ATXN10: variants seen among roughly 807,000 people sequenced by gnomAD.
ATXN10 encodes the protein ataxin 10.
A neutral mutation model predicts 52.9 loss-of-function variants in ATXN10; 28 were observed. The observed-to-expected ratio is 0.53, with a 90% CI of 0.39 to 0.73. The LOEUF is 0.73. ATXN10 is among the 30% of genes least tolerant of loss of function. The pLI is 0.00. For synonymous variants in ATXN10, 226 were observed against 221.5 expected, an observed-to-expected ratio of 1.02 and a Z score of -0.18; for missense variants, 565 against 577.0, an observed-to-expected ratio of 0.98 and a Z score of 0.21.
chr22:45,745,591 CTT>C (rs1925697133), intron 9 of ATXN10, among the ~76,000 whole-genome samples: 1 of 152,142 alleles, frequency 6.6e-6, no homozygotes, highest in African/African-American at 2.4e-5. Flanking sequence ...TAAAGACAAA[CTT>C]TATTTGGCCC....
rs1412234162 is a variant in ATXN10, at chr22:45,825,751, G to A, written c.1238-17240G>A. 6.6e-6 allele frequency among the ~76,000 whole-genome samples: 1 copy of A among 152,180 alleles called. No individual in the cohort carries two copies. Among genetic ancestry groups the A allele is most frequent in the Admixed American group, 6.5e-5 (1 of 15,282 alleles). Reference sequence around the variant, plus strand: ...CAAGGGTCTTACTGAAGATGCTCAAGGAACTAAAGGAACGTGTGGAAAATC... The same window carrying A: ...CAAGGGTCTTACTGAAGATGCTCAAAGAACTAAAGGAACGTGTGGAAAATC... On this transcript the variant is annotated intron_variant, in intron 10 of 11. Transcript: ENST00000252934. This position sits in a 1 kb window ranked among gnomAD's most constrained non-coding sequence, Gnocchi z 4.5.
intron 1 of ATXN10, chr22:45,673,100 A>G (rs781463486): frequency 1.3e-5 from 2 of 152,234 alleles, no homozygotes; most frequent in African/African-American, 2.4e-5. Context: ...GATATAATGC[A>G]TATTAAATCC....
chr22:45,823,417 G>A lies in ATXN10; in HGVS notation c.1237+16395G>A, dbSNP rs772673172. The A allele has an allele frequency of 3.2e-5, 9 of 284,962 alleles. No individual in the cohort carries two copies. The highest frequency in any genetic ancestry group is 6.3e-5 in the Non-Finnish European group (9 of 143,502). The allele number at this position is 284,962 out of a possible 1,614,324, so 17.7% of individuals were successfully genotyped here. A position where few individuals can be genotyped will look rare whatever the true frequency, so the allele number is the denominator to read the frequency against. On this transcript the variant is annotated intron_variant, in intron 10 of 11. Transcript: ENST00000252934. The surrounding 1 kb of genome is among the most constrained non-coding windows in gnomAD (Gnocchi z 4.9). ...GAATTGTAATTATTTATGATGTACAGTAGGGATTCTGTCTTTTTTTAATTT... is the reference window on the plus strand; with the variant it reads ...GAATTGTAATTATTTATGATGTACAATAGGGATTCTGTCTTTTTTTAATTT...
intron 10 of ATXN10, among the ~76,000 whole-genome samples, chr22:45,817,343 A>C (rs1023204440): frequency 8.6e-6 from 1 of 115,712 alleles, no homozygotes; most frequent in Non-Finnish European, 1.9e-5. Context: ...TTTTTTTTTT[A>C]AGACAGAGTC....
chr22:45,774,367 A>C lies in ATXN10; in HGVS notation c.1174-32592A>C, dbSNP rs949493215. 1.3e-5 allele frequency among the ~76,000 whole-genome samples: 2 copies of C among 152,212 alleles called. No homozygotes were observed. Among genetic ancestry groups the C allele is most frequent in the Admixed American group, 6.5e-5 (1 of 15,286 alleles). ...ATCGCTATTTTGGAGTGAGACAGAT[A>C]ATGCAGACACAGTGTGCGAGCAAGC... On this transcript the variant is annotated intron_variant, in intron 9 of 11. Coordinates refer to ENST00000252934, the MANE Select transcript of ATXN10 (RefSeq NM_013236.4). The surrounding 1 kb of genome is among the most constrained non-coding windows in gnomAD (Gnocchi z 6.2).
chr22:45,699,006 C>G (rs1266853186), intron 3 of ATXN10, among the ~76,000 whole-genome samples: 1 of 152,118 alleles, frequency 6.6e-6, no homozygotes, highest in African/African-American at 2.4e-5. Flanking sequence ...ACTGTAATTA[C>G]ATTGTCAAAA....
intron 1 of ATXN10, chr22:45,675,953 A>G (rs572594441): frequency 9.2e-5 from 14 of 152,104 alleles, no homozygotes; most frequent in African/African-American, 3.4e-4. Context: ...TTTTTCTCAC[A>G]TTTGTTTTAT....
rs756334030 is a variant in ATXN10, at chr22:45,763,949, C to T, written c.1173+23411C>T. ...GCCCCCTTCTTATCTAAGGCTGCTA[C>T]GTGTTATTGGAGAAAATTATAATAC... On this transcript the variant is annotated intron_variant, in intron 9 of 11. Coordinates refer to ENST00000252934, the MANE Select transcript of ATXN10 (RefSeq NM_013236.4). The surrounding 1 kb of genome is among the most constrained non-coding windows in gnomAD (Gnocchi z 6.9). 1.1e-4 allele frequency among the ~76,000 whole-genome samples: 16 copies of T among 151,382 alleles called. No individual in the cohort carries two copies. Among genetic ancestry groups the T allele is most frequent in the African/African-American group, 3.4e-4 (14 of 41,286 alleles).
At chr22:45,782,983 T>G (rs144462458) in intron 9 of ATXN10, among the ~76,000 whole-genome samples, 1 of 152,324 alleles carries the variant, frequency 6.6e-6, no homozygotes, top group Admixed American at 6.5e-5. Flanking sequence ...AACAATAGAT[T>G]GCTTACAATT....
In ATXN10 at chr22:45,702,752, C is replaced by A; in HGVS notation, c.552C>A (p.Ser184=). The part of the protein sequence containing the change: ...VAYSSMILFT[S]LNHERMKELE... ...ACTCTTCAATGATTTTGTTTACATC[C>A]CTTAATCATGAAAGAATGAAAGAAC... Residue 184 remains serine, a synonymous_variant, in exon 5 of 12, where the codon TCC becomes TCA. Coordinates refer to ENST00000252934, the MANE Select transcript of ATXN10 (RefSeq NM_013236.4). 6.2e-7 allele frequency: 1 copy of A among 1,613,880 alleles called. No homozygotes were observed. Among genetic ancestry groups the A allele is most frequent in the Non-Finnish European group, 8.5e-7 (1 of 1,179,898 alleles).
At chr22:45,691,847 T>G (rs963190131) in intron 2 of ATXN10, among the ~76,000 whole-genome samples, 2 of 151,994 alleles carry the variant, frequency 1.3e-5, no homozygotes, top group Non-Finnish European at 2.9e-5. Flanking sequence ...GAGCCAAGAT[T>G]GGGCTACTGC....
chr22:45,694,539 TG>T (rs1923513699), intron 3 of ATXN10, among the ~76,000 whole-genome samples: 1 of 151,810 alleles, frequency 6.6e-6, no homozygotes, highest in Admixed American at 6.6e-5. Context: ...CCCAGCACTT[TG>T]GGAGGCTGAG....
chr22:45,829,857 T>C (rs1928931401), intron 10 of ATXN10, among the ~76,000 whole-genome samples: 1 of 152,148 alleles, frequency 6.6e-6, no homozygotes, highest in Non-Finnish European at 1.5e-5. Flanking sequence ...TTTTTGCAGA[T>C]ATAGAAAAAC....
Position 45,672,162 on chromosome 22 carries a change from C to T in ATXN10, c.99C>T (p.Phe33=). 2.0e-6 allele frequency: 3 copies of T among 1,538,136 alleles called. No homozygotes were observed. Among genetic ancestry groups the T allele is most frequent in the South Asian group, 2.4e-5 (2 of 83,660 alleles). ...CCCTGCGCGCGCTCACGGCGCTCTT[C>T]AAAGAGCAGCGGAACCGGTAACGGG... ...LEALRALTAL[F]KEQRNRETAP... is the part of the protein sequence containing the mutation. Residue 33 remains phenylalanine, a synonymous_variant, in exon 1 of 12, where the codon TTC becomes TTT. Coordinates refer to ENST00000252934, the MANE Select transcript of ATXN10 (RefSeq NM_013236.4).
chr22:45,748,210 C>CT (rs902690109), intron 9 of ATXN10, among the ~76,000 whole-genome samples: 1 of 151,946 alleles, frequency 6.6e-6, no homozygotes, highest in African/African-American at 2.4e-5. Context: ...AATGGATTGC[C>CT]TTATGTCTCT....
chr22:45,836,483 C>T (rs1220403924), intron 10 of ATXN10, among the ~76,000 whole-genome samples: 1 of 152,100 alleles, frequency 6.6e-6, no homozygotes, highest in Non-Finnish European at 1.5e-5. Flanking sequence ...GAGGTGGTCC[C>T]AACAGGTAGC....
In ATXN10 at chr22:45,759,231, T is replaced by C. The variant is rs1926288613; in HGVS notation, c.1173+18693T>C. Among the ~76,000 whole-genome samples the C allele has an allele frequency of 6.6e-6, 1 of 151,966 alleles. No homozygotes were observed. On this transcript the variant is annotated intron_variant, in intron 9 of 11. Coordinates refer to ENST00000252934, the MANE Select transcript of ATXN10 (RefSeq NM_013236.4). The surrounding 1 kb of genome is among the most constrained non-coding windows in gnomAD (Gnocchi z 5.4). Reference sequence around the variant, plus strand: ...TGATAAATAGTAAAAGATTCTAGAGTCCGGGCATGGTGGTTCACACCTGTA... The same window carrying C: ...TGATAAATAGTAAAAGATTCTAGAGCCCGGGCATGGTGGTTCACACCTGTA...
At position 45,702,881 on chromosome 22, in the gene ATXN10, G is replaced by A. The variant is rs755395956; in HGVS notation, c.647+34G>A. ...CTTGTTAGAAATTTGATTGCTTTGG[G>A]GCATCCTGACAGATCACTTTCCTTG... On this transcript the variant is annotated intron_variant, in intron 5 of 11. Transcript: ENST00000252934. The A allele has an allele frequency of 5.0e-6, 8 of 1,612,810 alleles. No individual in the cohort carries two copies. In the South Asian group the frequency reaches 7.7e-5, roughly 16 times the overall value.
At chr22:45,709,148 T>G (rs1924149175) in intron 5 of ATXN10, among the ~76,000 whole-genome samples, 1 of 152,214 alleles carries the variant, frequency 6.6e-6, no homozygotes, top group Admixed American at 6.5e-5. Flanking sequence ...TTGTCCATCC[T>G]CTTGCAGTCT....
Sources: allele counts gnomAD v4.1 joint callset (sites outside exome capture counted in the v4.1 genomes callset), GRCh38; gene constraint gnomAD v4.1.1; non-coding constraint Gnocchi (gnomAD v3.1); transcripts MANE v1.5; gene names NCBI Gene and HGNC (gene_info 2026-07-23, HGNC 2026-07-21).